The following COL5A1 variants were observed in gnomAD, a reference collection of about 807,000 sequenced individuals.
COL5A1 encodes collagen alpha-1(V) chain.
Under a neutral mutation model 263.7 loss-of-function variants are expected in COL5A1, and 16 were observed. The ratio of observed to expected loss-of-function variants is 0.06; its 90% CI spans 0.04 to 0.09. COL5A1 has a LOEUF of 0.09. COL5A1 is among the 10% of genes least tolerant of loss of function. The pLI, the probability that COL5A1 is intolerant of heterozygous loss-of-function variation, is 1.00. For synonymous variants in COL5A1, 1,012 were observed against 1,004.5 expected, an observed-to-expected ratio of 1.01 and a Z score of -0.14; for missense variants, 2,036 against 2,540.5, an observed-to-expected ratio of 0.80 and a Z score of 4.27.
chr9:134,789,052 G>A lies in COL5A1; in HGVS notation c.2647-103G>A. On this transcript the variant is annotated intron_variant, in intron 31 of 65. Coordinates refer to ENST00000371817, the MANE Select transcript of COL5A1 (RefSeq NM_000093.5). The surrounding 1 kb of genome is among the most constrained non-coding windows in gnomAD (Gnocchi z 4.8). ...GGTGGGTGGGCAGGTGGAGTCTGGGGCAGAGGCTGTGCACTGGCATGCAGG... is the reference window on the plus strand; with the variant it reads ...GGTGGGTGGGCAGGTGGAGTCTGGGACAGAGGCTGTGCACTGGCATGCAGG... 4.0e-6 allele frequency: 4 copies of A among 1,010,320 alleles called. No individual in the cohort carries two copies. The highest frequency in any genetic ancestry group is 2.5e-5 in the East Asian group (1 of 40,514). The allele number at this position is 1,010,320 out of a possible 1,614,324, so 62.6% of individuals were successfully genotyped here. A position where few individuals can be genotyped will look rare whatever the true frequency, so the allele number is the denominator to read the frequency against.
intron 26 of COL5A1, among the ~76,000 whole-genome samples, chr9:134,774,256 G>A (rs1588533906): frequency 6.6e-6 from 1 of 152,332 alleles, no homozygotes; most frequent in South Asian, 2.1e-4. Context: ...AGGCCACCAA[G>A]CCCATCCTGC....
At chr9:134,786,202 G>A (rs139534733) in intron 31 of COL5A1, among the ~76,000 whole-genome samples, 154 bp downstream of exon 31, 27 of 151,952 alleles carry the variant, frequency 1.8e-4, no homozygotes, top group African/African-American at 6.0e-4. Context: ...TGGTGCAGGC[G>A]TGGGGGTTGT....
At position 134,681,301 on chromosome 9, in the gene COL5A1, G is replaced by A. The variant is rs1401035854; in HGVS notation, c.110-9611G>A. On this transcript the variant is annotated intron_variant, in intron 1 of 65. Coordinates refer to ENST00000371817, the MANE Select transcript of COL5A1 (RefSeq NM_000093.5). The surrounding 1 kb of genome is among the most constrained non-coding windows in gnomAD (Gnocchi z 4.3). ...AGGAAGGGAACTAGGAGGGACAGCC[G>A]CCCTTCCCCGGCTCTGCAGGGCCCT... 6.6e-6 allele frequency among the ~76,000 whole-genome samples: 1 copy of A among 152,320 alleles called. No homozygotes were observed. Among genetic ancestry groups the A allele is most frequent in the Non-Finnish European group, 1.5e-5 (1 of 68,026 alleles).
At chr9:134,825,333 A>G (rs1340702232) in intron 62 of COL5A1, among the ~76,000 whole-genome samples, 1 of 152,178 alleles carries the variant, frequency 6.6e-6, no homozygotes, top group Admixed American at 6.5e-5. Context: ...TCTCCTCACC[A>G]TCATAGCCTC....
chr9:134,746,435 G>A (rs1024092611), intron 11 of COL5A1, among the ~76,000 whole-genome samples: 1 of 152,234 alleles, frequency 6.6e-6, no homozygotes, highest in African/African-American at 2.4e-5. Flanking sequence ...ATCCCGGCCT[G>A]GAAAGAGGCC....
At position 134,767,406 on chromosome 9, in the gene COL5A1, C is replaced by T. The variant is rs759244727; in HGVS notation, c.2232+52C>T. 5 of 1,567,052 alleles carry T rather than the reference C, an allele frequency of 3.2e-6. No homozygotes were observed. In the Admixed American group the frequency reaches 8.4e-5, roughly 26 times the overall value. ...GCCACTGCCCGCCTGCAGGTGGATT[C>T]CCTGGCCCCACCCTGGGAGGACCCC... On this transcript the variant is annotated intron_variant, in intron 24 of 65. Transcript: ENST00000371817.
chr9:134,788,581 G>A (rs1313890633), intron 31 of COL5A1, among the ~76,000 whole-genome samples: 1 of 142,162 alleles, frequency 7.0e-6, no homozygotes, highest in Admixed American at 6.9e-5. Flanking sequence ...GGGTAGGTGG[G>A]TGGGTGGGTA....
chr9:134,657,716 TCC>T (rs1832064239), intron 1 of COL5A1, among the ~76,000 whole-genome samples: 1 of 149,922 alleles, frequency 6.7e-6, no homozygotes, highest in Non-Finnish European at 1.5e-5. Context: ...CAGGAGCTTC[TCC>T]AGATGAGTTT....
chr9:134,811,943 C>T (rs1461658081), intron 46 of COL5A1, among the ~76,000 whole-genome samples: 1 of 152,228 alleles, frequency 6.6e-6, no homozygotes, highest in African/African-American at 2.4e-5. Context: ...TGTGTGTATT[C>T]TCATGCACAG....
rs1041892003 is a variant in COL5A1, at chr9:134,757,529, C to T, written c.1881+711C>T. Among the ~76,000 whole-genome samples, 8 of 152,182 alleles carry T rather than the reference C, an allele frequency of 5.3e-5. No homozygotes were observed. Among genetic ancestry groups the T allele is most frequent in the African/African-American group, 1.2e-4 (5 of 41,452 alleles). The stretch of plus-strand genomic sequence containing the variant: ...CTCAACTACACCTGTTCCCTCTTAA[C>T]GGGCGTGGATGAGCTCTGAAGTGCA... On this transcript the variant is annotated intron_variant, in intron 17 of 65. Coordinates refer to ENST00000371817, the MANE Select transcript of COL5A1 (RefSeq NM_000093.5). This position sits in a 1 kb window ranked among gnomAD's most constrained non-coding sequence, Gnocchi z 6.2.
chr9:134,663,107 C>T (rs558464606), intron 1 of COL5A1, among the ~76,000 whole-genome samples: 8 of 152,336 alleles, frequency 5.3e-5, no homozygotes, highest in African/African-American at 1.7e-4. Flanking sequence ...TGAAGTTCGA[C>T]GTTTCCTGAA....
At position 134,841,412 on chromosome 9, in the gene COL5A1, G is replaced by T. The variant is rs1287418997; in HGVS notation, c.5371-745G>T. On this transcript the variant is annotated intron_variant, in intron 65 of 65. Transcript: ENST00000371817. This position sits in a 1 kb window ranked among gnomAD's most constrained non-coding sequence, Gnocchi z 4.8. ...CCTGCGCTGCCTGTGTTCTGGGAGG[G>T]AGGCGGCCTCTCCTAGGCTTCCATC... Among the ~76,000 whole-genome samples, 1 of 152,180 alleles carries T rather than the reference G, an allele frequency of 6.6e-6. No individual in the cohort carries two copies. Among genetic ancestry groups the T allele is most frequent in the Non-Finnish European group, 1.5e-5 (1 of 68,030 alleles).
Position 134,727,363 on chromosome 9 carries a change from C to A in COL5A1, c.752C>A (p.Thr251Asn), listed in dbSNP as rs1383053009. Residue 251 changes from threonine (T) to asparagine (N), a missense_variant, in exon 5 of 66, where the codon ACC becomes AAC. Transcript: ENST00000371817. Reference protein sequence around the residue: ...SPDCDTAVPDTPQSQDPNPDE... With the variant: ...SPDCDTAVPDNPQSQDPNPDE... ...GACTGTGACACCGCAGTACCTGACA[C>A]CCCACAGTCGCAGGACCCCAATCCA... is the stretch of plus-strand genomic sequence containing the variant. 6.2e-7 allele frequency: 1 copy of A among 1,613,952 alleles called. No individual in the cohort carries two copies. The highest frequency in any genetic ancestry group is 1.3e-5 in the African/African-American group (1 of 74,916).
intron 28 of COL5A1, among the ~76,000 whole-genome samples, chr9:134,782,049 G>A (rs1328511339): frequency 1.3e-5 from 2 of 152,188 alleles, no homozygotes; most frequent in Non-Finnish European, 2.9e-5. Flanking sequence ...TGCGGTTTCC[G>A]GGATGGGGAA....
chr9:134,759,864 TCA>T (rs139729908), intron 18 of COL5A1, among the ~76,000 whole-genome samples: 3,021 of 24,170 alleles, frequency 0.12, 178 homozygotes, highest in East Asian at 0.43. Flanking sequence ...ACCCCCACAC[TCA>T]CACATGCACA....
In COL5A1 at chr9:134,758,323, G is replaced by T. The variant is rs776692626; in HGVS notation, c.1935+27G>T. On this transcript the variant is annotated intron_variant, in intron 18 of 65. Coordinates refer to ENST00000371817, the MANE Select transcript of COL5A1 (RefSeq NM_000093.5). The surrounding 1 kb of genome is among the most constrained non-coding windows in gnomAD (Gnocchi z 4.1). ...TGAGTATTTCCTCTGTGAGACACAG[G>T]CATGACGATGGGCAGCAGAGGTGTC... 5 of 1,610,710 alleles carry T rather than the reference G, an allele frequency of 3.1e-6. No homozygotes were observed. Among genetic ancestry groups the T allele is most frequent in the Non-Finnish European group, 4.2e-6 (5 of 1,177,030 alleles).
chr9:134,802,857 C>CTTGTGACTGACACTGACAA, intron 38 of COL5A1, 31 bp from the exon 39 acceptor site: 2 of 1,514,606 alleles, frequency 1.3e-6, no homozygotes, highest in South Asian at 2.3e-5. Flanking sequence ...TCACTCGAAA[C>CTTGTGACTGACACTGACAA]GTCTGTGGCT....
chr9:134,797,030 A>T (rs1837938393), intron 36 of COL5A1, 129 bp downstream of exon 36: 1 of 1,019,656 alleles, frequency 9.8e-7, no homozygotes, highest in Non-Finnish European at 1.5e-6. Flanking sequence ...GGGTGGAGGG[A>T]GGCCCGAGGT....
rs1837589178 is a variant in COL5A1, at chr9:134,789,302, C to T, written c.2700+94C>T. On this transcript the variant is annotated intron_variant, in intron 32 of 65. Coordinates refer to ENST00000371817, the MANE Select transcript of COL5A1 (RefSeq NM_000093.5). The surrounding 1 kb of genome is among the most constrained non-coding windows in gnomAD (Gnocchi z 4.8). ...CAGCCGACGGCCTGTTTATTTCTCA[C>T]TCTCTTGCTTCTGAAACTGCTCTCC... The T allele has an allele frequency of 2.9e-6, 3 of 1,039,196 alleles. No individual in the cohort carries two copies. In the South Asian group the frequency reaches 4.0e-5, roughly 14 times the overall value. The allele number at this position is 1,039,196 out of a possible 1,614,324, so 64.4% of individuals were successfully genotyped here.
Sources: allele counts gnomAD v4.1 joint callset (sites outside exome capture counted in the v4.1 genomes callset), GRCh38; gene constraint gnomAD v4.1.1; non-coding constraint Gnocchi (gnomAD v3.1); transcripts MANE v1.5; gene names NCBI Gene and HGNC (gene_info 2026-07-23, HGNC 2026-07-21).